The following LTBP2 variants were observed in gnomAD, a reference collection of about 807,000 sequenced individuals.
LTBP2 encodes the protein latent transforming growth factor beta binding protein 2, also known as latent-transforming growth factor beta-binding protein 2.
Under a neutral mutation model 210.6 loss-of-function variants are expected in LTBP2, and 103 were observed. The observed-to-expected ratio is 0.49, with a 90% CI of 0.42 to 0.58. The LOEUF is 0.58. Ranked by LOEUF, LTBP2 falls within the 20% of genes least tolerant of loss-of-function variation. The pLI is 0.00. For missense variants in LTBP2, 2,313 were observed against 2,494.5 expected (o/e 0.93, Z 1.55); for synonymous variants, 1,007 against 1,015.0 (o/e 0.99, Z 0.15).
chr14:74,574,071 A>C (rs751090913), intron 3 of LTBP2, among the ~76,000 whole-genome samples: 1 of 152,186 alleles, frequency 6.6e-6, no homozygotes, highest in African/African-American at 2.4e-5. Flanking sequence ...AGGCTCCATC[A>C]ATGGTGGGTT....
At chr14:74,502,061 G>A in intron 34 of LTBP2, 1 of 278,274 alleles carries the variant, frequency 3.6e-6, no homozygotes, top group Admixed American at 5.0e-5. Context: ...CACTCCCTAA[G>A]CACCCCTCCA....
chr14:74,532,375 C>T, intron 10 of LTBP2, 51 bp downstream of exon 10: 1 of 1,609,614 alleles, frequency 6.2e-7, no homozygotes, highest in East Asian at 2.2e-5. Flanking sequence ...CCTGAAGTGT[C>T]CCATCTTGTC....
rs2086891416 is a variant in LTBP2, at chr14:74,499,913, A to G, written c.*971T>C. 4.3e-6 allele frequency: 1 copy of G among 230,922 alleles called. No homozygotes were observed. The highest frequency in any genetic ancestry group is 2.2e-5 in the African/African-American group (1 of 45,190). The allele number at this position is 230,922 out of a possible 1,614,324, so 14.3% of individuals were successfully genotyped here. On this transcript the variant is annotated 3_prime_UTR_variant, in exon 36 of 36. Coordinates refer to ENST00000261978, the MANE Select transcript of LTBP2 (RefSeq NM_000428.3). ...GTGGAGGGGAAAAACAACATTGGAAATCTGGCTGCTTCTGAACAAGACCAC... is the reference window on the plus strand; with the variant it reads ...GTGGAGGGGAAAAACAACATTGGAAGTCTGGCTGCTTCTGAACAAGACCAC...
intron 3 of LTBP2, among the ~76,000 whole-genome samples, chr14:74,572,774 C>T (rs2088002743): frequency 6.6e-6 from 1 of 152,128 alleles, no homozygotes; most frequent in Admixed American, 6.5e-5. Flanking sequence ...CACATACCCC[C>T]GCAGAGGGAG....
chr14:74,552,237 T>C lies in LTBP2; in HGVS notation c.1349A>G (p.Glu450Gly). ...GAAAGTGGACTGCTTCAGTGGGGCT[T>C]CCAGCAAGGCCCTGGGGCGGGACCC... ...GRGSRPRALL[E>G]APLKQSTFTL... Residue 450 changes from glutamate to glycine, a missense_variant, in exon 6 of 36, where the codon GAA becomes GGA. By Grantham distance (98) the Glu-to-Gly change is moderately conservative. Coordinates refer to ENST00000261978, the MANE Select transcript of LTBP2 (RefSeq NM_000428.3). 1 of 1,612,828 alleles carries C rather than the reference T, an allele frequency of 6.2e-7. No individual in the cohort carries two copies. The highest frequency in any genetic ancestry group is 8.5e-7 in the Non-Finnish European group (1 of 1,179,816).
At position 74,526,262 on chromosome 14, in the gene LTBP2, C is replaced by T. The variant is rs528426705; in HGVS notation, c.2389-148G>A. 3.9e-4 allele frequency: 307 copies of T among 783,838 alleles called. 1 individual carries two copies. The South Asian group carries it at 4.4e-3, about 11-fold the overall frequency. 48.6% of individuals were successfully genotyped at this position (783,838 alleles called of 1,614,324 possible). ...TTCCAGGTATTGATGAGTTCTTACT[C>T]TATGCTGGGCATTCTGCCAGGCACT... On this transcript the variant is annotated intron_variant, in intron 13 of 35. Coordinates refer to ENST00000261978, the MANE Select transcript of LTBP2 (RefSeq NM_000428.3).
At chr14:74,513,329 T>A (rs1333667731) in intron 18 of LTBP2, among the ~76,000 whole-genome samples, 1 of 152,192 alleles carries the variant, frequency 6.6e-6, no homozygotes, top group Non-Finnish European at 1.5e-5. Context: ...GCCAACGAAC[T>A]GTGAGTGCGT....
At chr14:74,607,091 G>C (rs2088537630) in intron 1 of LTBP2, among the ~76,000 whole-genome samples, 1 of 152,142 alleles carries the variant, frequency 6.6e-6, no homozygotes, top group South Asian at 2.1e-4. Flanking sequence ...ACAAAAAGTG[G>C]GATGAGCCAC....
At chr14:74,575,206 G>C (rs1029066573) in intron 3 of LTBP2, among the ~76,000 whole-genome samples, 4 of 152,184 alleles carry the variant, frequency 2.6e-5, no homozygotes, top group African/African-American at 9.7e-5. Flanking sequence ...ACCCCCTAAG[G>C]CCAGCCGTGG....
chr14:74,537,465 A>G lies in LTBP2; in HGVS notation c.1790-1465T>C, dbSNP rs2087436652. ...CCATAAATATACCATGATATTTCAA[A>G]GGTCTTGCTCTATAAAGGTAGCTGC... On this transcript the variant is annotated intron_variant, in intron 8 of 35. Transcript: ENST00000261978. 2.6e-5 allele frequency among the ~76,000 whole-genome samples: 4 copies of G among 152,370 alleles called. No homozygotes were observed. In the South Asian group the frequency reaches 8.3e-4, roughly 32 times the overall value.
In LTBP2 at chr14:74,611,780, G is replaced by C; in HGVS notation, c.165C>G (p.Arg55=). Residue 55 remains arginine, a synonymous_variant, in exon 1 of 36, where the codon CGC becomes CGG. Transcript: ENST00000261978. ...PAGGDANRLR[R]PGGSYPAAAA... is the part of the protein sequence containing the mutation. ...CCGCTGCCGGGTAGCTGCCCCCAGG[G>C]CGCCGCAGTCGATTCGCGTCTCCAC... The C allele has an allele frequency of 6.2e-7, 1 of 1,610,184 alleles. No individual in the cohort carries two copies. The highest frequency in any genetic ancestry group is 8.5e-7 in the Non-Finnish European group (1 of 1,179,550).
chr14:74,548,418 C>T (rs796484275), intron 8 of LTBP2, among the ~76,000 whole-genome samples: 22 of 152,122 alleles, frequency 1.4e-4, no homozygotes, highest in African/African-American at 5.1e-4. Context: ...GAGGAAGGTG[C>T]GGTTTTTACC....
intron 3 of LTBP2, among the ~76,000 whole-genome samples, chr14:74,578,686 A>G (rs3784024): frequency 0.41 from 61,597 of 152,048 alleles, 17,138 homozygotes; most frequent in African/African-American, 0.77. Flanking sequence ...CGATATCATC[A>G]GCAGACCTGT....
At position 74,611,719 on chromosome 14, in the gene LTBP2, C is replaced by A. The variant is rs2088614254; in HGVS notation, c.226G>T (p.Asp76Tyr). The change falls in exon 1 of 36, where the codon GAC (aspartate) becomes TAC (tyrosine). Residue 76 changes from aspartate to tyrosine, a missense_variant. By Grantham distance (160) the Asp-to-Tyr change is radical. Coordinates refer to ENST00000261978, the MANE Select transcript of LTBP2 (RefSeq NM_000428.3). ...AKVYSLFREQ[D>Y]APVAGLQPVE... ...GGCTGCAAGCCCGCGACAGGCGCGT[C>A]CTGCTCCCGGAACAGACTGTACACC... 2 of 1,596,498 alleles carry A rather than the reference C, an allele frequency of 1.3e-6. No individual in the cohort carries two copies. The highest frequency in any genetic ancestry group is 2.2e-5 in the South Asian group (2 of 89,972).
chr14:74,588,376 C>T (rs570373059), intron 2 of LTBP2, among the ~76,000 whole-genome samples: 12 of 152,176 alleles, frequency 7.9e-5, no homozygotes, highest in Non-Finnish European at 1.2e-4. Context: ...CGCCTGACAC[C>T]ATGCCCTGCT....
chr14:74,591,942 C>T (rs543334195), intron 2 of LTBP2, among the ~76,000 whole-genome samples: 3 of 152,134 alleles, frequency 2.0e-5, no homozygotes, highest in Non-Finnish European at 2.9e-5. Flanking sequence ...AAGGTGATGA[C>T]AAGTGGTAAT....
intron 3 of LTBP2, among the ~76,000 whole-genome samples, chr14:74,577,087 AAT>A (rs33947514): frequency 0.039 from 5,916 of 152,268 alleles, 393 homozygotes; most frequent in African/African-American, 0.14. Context: ...GTCTATTCAA[AAT>A]AGTTTTCAAG....
intron 34 of LTBP2, chr14:74,502,424 AGT>A (rs1479549534): frequency 3.1e-6 from 2 of 647,234 alleles, no homozygotes; most frequent in Non-Finnish European, 2.8e-6. Context: ...GGACAGGGGC[AGT>A]GTCCTGTACC....
Position 74,499,403 on chromosome 14 carries a change from G to A in LTBP2, c.*1481C>T, listed in dbSNP as rs527271189. 5.4e-5 allele frequency: 12 copies of A among 224,052 alleles called. No homozygotes were observed. In the East Asian group the frequency reaches 7.8e-4, roughly 15 times the overall value. The allele number at this position is 224,052 out of a possible 1,614,324, so 13.9% of individuals were successfully genotyped here. A position where few individuals can be genotyped will look rare whatever the true frequency, so the allele number is the denominator to read the frequency against. On this transcript the variant is annotated 3_prime_UTR_variant, in exon 36 of 36. Transcript: ENST00000261978. Reference sequence around the variant, plus strand: ...GGATTATTGGATAATTAAATGAAATGTATGTATGGCACTCAGCACAGTGCC... The same window carrying A: ...GGATTATTGGATAATTAAATGAAATATATGTATGGCACTCAGCACAGTGCC...
Sources: allele counts gnomAD v4.1 joint callset (sites outside exome capture counted in the v4.1 genomes callset), GRCh38; gene constraint gnomAD v4.1.1; transcripts MANE v1.5; gene names NCBI Gene and HGNC (gene_info 2026-07-23, HGNC 2026-07-21).